SPECC1: variants seen among roughly 807,000 people sequenced by gnomAD.
SPECC1 encodes cytospin-B.
A neutral mutation model predicts 104.1 loss-of-function variants in SPECC1; 62 were observed. The ratio of observed to expected loss-of-function variants is 0.60; its 90% CI spans 0.49 to 0.74. The LOEUF (loss-of-function observed/expected upper bound fraction) is 0.74, where lower values mean the gene tolerates loss of function less well. SPECC1 is among the 30% of genes least tolerant of loss of function. SPECC1 has a pLI of 0.00. For missense variants in SPECC1, 1,306 were observed against 1,310.5 expected (o/e 1.00, Z 0.05); for synonymous variants, 513 against 501.6 (o/e 1.02, Z -0.30).
chr17:20,251,224 C>CAAAAAAAAAAAAGAAAAAAAA (rs2039617712), intron 9 of SPECC1, among the ~76,000 whole-genome samples: 1 of 51,044 alleles, frequency 2.0e-5, no homozygotes, highest in African/African-American at 9.5e-5. Flanking sequence ...GACTCTATCT[C>CAAAAAAAAAAAAGAAAAAAAA]AAAAAAAAAA....
At chr17:20,299,301 C>T (rs1466971409) in intron 13 of SPECC1, among the ~76,000 whole-genome samples, 3 of 151,986 alleles carry the variant, frequency 2.0e-5, no homozygotes, top group African/African-American at 4.8e-5. Flanking sequence ...TACTTGTAAT[C>T]CCAGCACTTT....
At chr17:20,290,704 G>A (rs970071015) in intron 12 of SPECC1, among the ~76,000 whole-genome samples, 13 of 151,886 alleles carry the variant, frequency 8.6e-5, no homozygotes, top group African/African-American at 2.9e-4. Context: ...TTTGGTAGAC[G>A]TGAGGTTTCA....
At chr17:20,123,745 G>C (rs893028518) in intron 3 of SPECC1, among the ~76,000 whole-genome samples, 1 of 152,120 alleles carries the variant, frequency 6.6e-6, no homozygotes, top group Admixed American at 6.5e-5. Flanking sequence ...ATCTTTACCT[G>C]TTGTAGAATT....
intron 12 of SPECC1, among the ~76,000 whole-genome samples, chr17:20,279,539 C>G (rs1212439008): frequency 6.6e-6 from 1 of 152,096 alleles, no homozygotes; most frequent in African/African-American, 2.4e-5. Flanking sequence ...TCAGGCTGAT[C>G]TTGAACTCCC....
intron 9 of SPECC1, among the ~76,000 whole-genome samples, chr17:20,247,927 A>G (rs1488224578): frequency 2.6e-5 from 4 of 152,232 alleles, no homozygotes; most frequent in Non-Finnish European, 1.5e-5. Flanking sequence ...CTGAGCTTCC[A>G]GGAAAGGTTC....
At chr17:20,250,911 A>G (rs895873332) in intron 9 of SPECC1, among the ~76,000 whole-genome samples, 6 of 152,044 alleles carry the variant, frequency 3.9e-5, no homozygotes, top group African/African-American at 1.5e-4. Flanking sequence ...AGAGTAATTC[A>G]CCACATTAAC....
At chr17:20,112,461 TCAAGTCAGAACTGCGATGC>T in intron 3 of SPECC1, 1 of 766,842 alleles carries the variant, frequency 1.3e-6, no homozygotes, top group South Asian at 1.4e-5. Flanking sequence ...GCAACTTCAA[TCAAGTCAGAACTGCGATGC>T]CAAGGTTTGA....
chr17:20,070,192 C>A (rs900730786), intron 1 of SPECC1, among the ~76,000 whole-genome samples: 1 of 152,170 alleles, frequency 6.6e-6, no homozygotes, highest in Non-Finnish European at 1.5e-5. Flanking sequence ...TGTCTAGTTT[C>A]TGATCTTAGG....
chr17:20,057,753 A>G (rs2046024464), intron 1 of SPECC1: 1 of 151,998 alleles, frequency 6.6e-6, no homozygotes, highest in Admixed American at 6.6e-5. Flanking sequence ...TGGCCTCCCA[A>G]AGTGCTGAGA....
In SPECC1 at chr17:20,227,627, G is replaced by A. The variant is rs1179956712; in HGVS notation, c.2071+7G>A. 6.2e-7 allele frequency: 1 copy of A among 1,610,556 alleles called. No homozygotes were observed. Among genetic ancestry groups the A allele is most frequent in the Non-Finnish European group, 8.5e-7 (1 of 1,179,038 alleles). On this transcript the variant is annotated splice_region_variant and intron_variant, in intron 5 of 14. Coordinates refer to ENST00000395527, the MANE Select transcript of SPECC1 (RefSeq NM_001243439.2). Reference sequence around the variant, plus strand: ...CTCATCAGTGAGCTAGAAAGTAAGTGGGGTCTGCCAGGCATGGTGGCTCAC... The same window carrying A: ...CTCATCAGTGAGCTAGAAAGTAAGTAGGGTCTGCCAGGCATGGTGGCTCAC...
chr17:20,180,628 G>A (rs1031094039), intron 3 of SPECC1, among the ~76,000 whole-genome samples: 1 of 152,256 alleles, frequency 6.6e-6, no homozygotes, highest in African/African-American at 2.4e-5. Flanking sequence ...AGAGACCAGG[G>A]ATGGTGGGAA....
intron 3 of SPECC1, among the ~76,000 whole-genome samples, chr17:20,114,265 C>A (rs570028774): frequency 6.6e-6 from 1 of 152,238 alleles, no homozygotes; most frequent in East Asian, 1.9e-4. Context: ...AATCTTGGCT[C>A]ACTGCAACCT....
At chr17:20,275,893 G>A (rs914874295) in intron 12 of SPECC1, among the ~76,000 whole-genome samples, 9 of 152,006 alleles carry the variant, frequency 5.9e-5, no homozygotes, top group African/African-American at 1.9e-4. Context: ...TGTGTCAAAA[G>A]CTTTGATTGC....
intron 1 of SPECC1, among the ~76,000 whole-genome samples, chr17:20,022,344 C>T (rs1437450745): frequency 2.0e-5 from 3 of 152,094 alleles, no homozygotes; most frequent in Non-Finnish European, 4.4e-5. Context: ...CATAAGTTGC[C>T]TGTTCATGTC....
intron 12 of SPECC1, among the ~76,000 whole-genome samples, chr17:20,275,468 T>C (rs1364441188): frequency 6.6e-6 from 1 of 152,224 alleles, no homozygotes; most frequent in African/African-American, 2.4e-5. Context: ...GTAGGATTAA[T>C]GACAGAATTA....
chr17:20,103,227 A>ATGCCTCCCTGCCCTCTC (rs1476235630), intron 2 of SPECC1, among the ~76,000 whole-genome samples: 1 of 152,012 alleles, frequency 6.6e-6, no homozygotes, highest in Non-Finnish European at 1.5e-5. Context: ...CCCCTCCAGA[A>ATGCCTCCCTGCCCTCTC]TGCCTCCCTG....
chr17:20,041,485 G>A (rs1044461956), intron 1 of SPECC1, among the ~76,000 whole-genome samples: 2 of 151,864 alleles, frequency 1.3e-5, no homozygotes, highest in Non-Finnish European at 2.9e-5. Flanking sequence ...CAGGTGATCC[G>A]CCTGCCTCAG....
chr17:20,269,914 T>A (rs1339332439), intron 12 of SPECC1, among the ~76,000 whole-genome samples: 1 of 152,190 alleles, frequency 6.6e-6, no homozygotes, highest in Non-Finnish European at 1.5e-5. Context: ...GAACACGGGC[T>A]TTTTATTGAG....
chr17:20,305,393 T>A (rs1342856160), intron 13 of SPECC1, among the ~76,000 whole-genome samples: 1 of 152,158 alleles, frequency 6.6e-6, no homozygotes, highest in African/African-American at 2.4e-5. Context: ...GTCACAAACA[T>A]AGCTAATATT....
Sources: allele counts gnomAD v4.1 joint callset (sites outside exome capture counted in the v4.1 genomes callset), GRCh38; gene constraint gnomAD v4.1.1; transcripts MANE v1.5; gene names NCBI Gene and HGNC (gene_info 2026-07-23, HGNC 2026-07-21).